Variants in CSMD1 observed in about 807,000 individuals in gnomAD.
The protein encoded by CSMD1 is CUB and Sushi multiple domains 1.
In CSMD1, 213 loss-of-function variants were observed where a neutral mutation model predicts 417.5. That is an observed-to-expected ratio of 0.51 (90% CI 0.46 to 0.57). CSMD1 has a LOEUF of 0.57. CSMD1 is among the 20% of genes least tolerant of loss of function. The pLI, the probability that CSMD1 is intolerant of heterozygous loss-of-function variation, is 0.00. For synonymous variants in CSMD1, 2,862 were observed against 1,736.8 expected (o/e 1.65, Z -16.11); for missense variants, 6,923 against 4,529.7 (o/e 1.53, Z -15.17).
At chr8:4,854,750 C>T (rs926561203) in intron 1 of CSMD1, among the ~76,000 whole-genome samples, 14 of 152,202 alleles carry the variant, frequency 9.2e-5, no homozygotes, top group Non-Finnish European at 1.6e-4. Context: ...CCACACCTGG[C>T]TCGGAGGGTC....
At chr8:4,212,988 C>T (rs1800412733) in intron 3 of CSMD1, among the ~76,000 whole-genome samples, 1 of 152,058 alleles carries the variant, frequency 6.6e-6, no homozygotes, top group African/African-American at 2.4e-5. Flanking sequence ...GCTTCCAAGT[C>T]ATGTTGCCTC....
At chr8:4,233,220 TC>T (rs1480487461) in intron 3 of CSMD1, among the ~76,000 whole-genome samples, 1 of 152,250 alleles carries the variant, frequency 6.6e-6, no homozygotes, top group African/African-American at 2.4e-5. Flanking sequence ...TTTTTCTTTT[TC>T]TTTTTGAAGT....
chr8:3,287,910 G>A (rs35382701), intron 25 of CSMD1, among the ~76,000 whole-genome samples: 1 of 113,618 alleles, frequency 8.8e-6, no homozygotes, highest in African/African-American at 3.5e-5. Context: ...TCCAGTTTTT[G>A]CCTATTCAGT....
chr8:3,510,820 T>C (rs886129338), intron 10 of CSMD1, among the ~76,000 whole-genome samples: 4 of 151,888 alleles, frequency 2.6e-5, no homozygotes, highest in African/African-American at 9.7e-5. Context: ...TTGAGAAGTA[T>C]CTGTTCATAT....
intron 12 of CSMD1, among the ~76,000 whole-genome samples, chr8:3,455,396 TAG>T (rs1344995982): frequency 1.3e-5 from 2 of 152,268 alleles, no homozygotes; most frequent in Admixed American, 6.5e-5. Context: ...CTCTGATTTT[TAG>T]AGTCTCCAGT....
At chr8:4,571,716 T>C (rs1798903942) in intron 2 of CSMD1, among the ~76,000 whole-genome samples, 1 of 152,196 alleles carries the variant, frequency 6.6e-6, no homozygotes, top group Non-Finnish European at 1.5e-5. Flanking sequence ...CTGTCTAGTA[T>C]TGACAGTGGG....
chr8:3,669,956 T>C (rs530696437), intron 7 of CSMD1, among the ~76,000 whole-genome samples: 6 of 152,298 alleles, frequency 3.9e-5, no homozygotes, highest in East Asian at 3.9e-4. Flanking sequence ...CCCAAGGATA[T>C]AATTTATACC....
At chr8:4,530,314 C>CTTTTTTTTTTTTTTTTTTTTT (rs759268228) in intron 2 of CSMD1, among the ~76,000 whole-genome samples, 4 of 46,686 alleles carry the variant, frequency 8.6e-5, no homozygotes, top group African/African-American at 8.5e-5. Context: ...ACAGGTAGTG[C>CTTTTTTTTTTTTTTTTTTTTT]TTTTTTTTTT....
chr8:3,731,050 A>C (rs1457743448), intron 6 of CSMD1, among the ~76,000 whole-genome samples: 1 of 152,204 alleles, frequency 6.6e-6, no homozygotes, highest in Non-Finnish European at 1.5e-5. Flanking sequence ...AATAATTATC[A>C]CAGCTATTTT....
intron 3 of CSMD1, among the ~76,000 whole-genome samples, chr8:4,248,199 A>G (rs1321045701): frequency 1.3e-5 from 2 of 152,174 alleles, no homozygotes; most frequent in South Asian, 2.1e-4. Flanking sequence ...TCATGACATG[A>G]CATGACATGC....
At chr8:3,699,337 G>A (rs946265867) in intron 7 of CSMD1, among the ~76,000 whole-genome samples, 1 of 152,208 alleles carries the variant, frequency 6.6e-6, no homozygotes, top group African/African-American at 2.4e-5. Flanking sequence ...AAACTAGTGT[G>A]TTTTACTGAC....
chr8:3,396,117 C>T (rs529011077), intron 17 of CSMD1, 77 bp downstream of exon 17: 2 of 1,281,326 alleles, frequency 1.6e-6, no homozygotes, highest in East Asian at 2.5e-5. Context: ...CATCTGCAGG[C>T]TGGAAATAAG....
At chr8:4,805,168 G>C (rs547896166) in intron 1 of CSMD1, among the ~76,000 whole-genome samples, 12 of 152,212 alleles carry the variant, frequency 7.9e-5, no homozygotes, top group African/African-American at 2.4e-4. Flanking sequence ...CTGGATGTCA[G>C]TTTACTCGTT....
At chr8:4,220,970 G>A (rs1476615226) in intron 3 of CSMD1, among the ~76,000 whole-genome samples, 3 of 152,212 alleles carry the variant, frequency 2.0e-5, no homozygotes, top group African/African-American at 4.8e-5. Context: ...CAGGCGCCCA[G>A]AGGAGCCCTT....
rs144695353 is a variant in CSMD1, at chr8:4,672,569, G to C, written c.86-35011C>G. On this transcript the variant is annotated intron_variant, in intron 1 of 69. Coordinates refer to ENST00000635120, the MANE Select transcript of CSMD1 (RefSeq NM_033225.6). ...AAACAACCAATCACAGAAAGTGTAA[G>C]ACTATTGCTGATTCCCTACTGTAAA... Among the ~76,000 whole-genome samples, 1,241 of 152,284 alleles carry C rather than the reference G, an allele frequency of 8.1e-3. 9 individuals are homozygous for C. Among genetic ancestry groups the C allele is most frequent in the Middle Eastern group, 0.027 (8 of 294 alleles).
At chr8:3,517,216 G>A (rs1797317744) in intron 10 of CSMD1, among the ~76,000 whole-genome samples, 1 of 152,176 alleles carries the variant, frequency 6.6e-6, no homozygotes, top group Non-Finnish European at 1.5e-5. Context: ...AGAATTGCCA[G>A]TAGAATTAAT....
intron 5 of CSMD1, among the ~76,000 whole-genome samples, chr8:3,839,987 G>A (rs1020354891): frequency 5.9e-5 from 9 of 152,100 alleles, no homozygotes; most frequent in Non-Finnish European, 1.2e-4. Flanking sequence ...GTTGAAGGAT[G>A]CATTTAAAGG....
intron 1 of CSMD1, among the ~76,000 whole-genome samples, chr8:4,959,538 G>A (rs1349003852): frequency 6.6e-6 from 1 of 152,180 alleles, no homozygotes; most frequent in Non-Finnish European, 1.5e-5. Flanking sequence ...CTGCTCCATG[G>A]TGACCACTCT....
At chr8:3,031,014 AG>A (rs920881635) in intron 50 of CSMD1, among the ~76,000 whole-genome samples, 68 of 151,954 alleles carry the variant, frequency 4.5e-4, no homozygotes, top group Non-Finnish European at 8.7e-4. Flanking sequence ...GTATTTTTTT[AG>A]GTTGAAGGAA....
Sources: gnomAD v4.1 joint callset for allele counts (sites outside exome capture counted in the v4.1 genomes callset) on GRCh38, gnomAD v4.1.1 for gene constraint, MANE v1.5 for transcripts, NCBI Gene and HGNC (gene_info 2026-07-23, HGNC 2026-07-21) for gene names.